The following GTF3C1 variants were observed in gnomAD, a reference collection of about 807,000 sequenced individuals.
The protein encoded by GTF3C1 is general transcription factor 3C polypeptide 1.
Under a neutral mutation model 226.7 loss-of-function variants are expected in GTF3C1, and 57 were observed. The ratio of observed to expected loss-of-function variants is 0.25; its 90% confidence interval spans 0.20 to 0.31. The LOEUF (loss-of-function observed/expected upper bound fraction) is 0.31, where lower values mean the gene tolerates loss of function less well. GTF3C1 is among the 10% of genes least tolerant of loss of function. GTF3C1 has a pLI of 1.00. For missense variants in GTF3C1, 2,217 were observed against 2,776.1 expected, an observed-to-expected ratio of 0.80 and a Z score of 4.53; for synonymous variants, 1,090 against 1,084.8, an observed-to-expected ratio of 1.00 and a Z score of -0.09.
intron 4 of GTF3C1, among the ~76,000 whole-genome samples, chr16:27,535,294 C>T (rs557634553): frequency 1.3e-5 from 2 of 152,138 alleles, no homozygotes; most frequent in East Asian, 1.9e-4. Flanking sequence ...TATGATGGGC[C>T]GGATGTGATG....
chr16:27,478,572 G>A (rs749604811), intron 27 of GTF3C1, 41 bp from the exon 28 acceptor site: 7 of 1,371,572 alleles, frequency 5.1e-6, no homozygotes, highest in Non-Finnish European at 7.3e-6. Flanking sequence ...AAACAAAACA[G>A]CTCCTCACTA....
At position 27,530,795 on chromosome 16, in the gene GTF3C1, C is replaced by T. The variant is rs2238523; in HGVS notation, c.850-2074G>A. Among the ~76,000 whole-genome samples the T allele has an allele frequency of 1.0e-2, 1,520 of 152,250 alleles. 42 individuals carry two copies. The East Asian group carries it at 0.1, about 10-fold the overall frequency. On this transcript the variant is annotated intron_variant, in intron 5 of 36. Coordinates refer to ENST00000356183, the MANE Select transcript of GTF3C1 (RefSeq NM_001520.4). ...AGGCACTGTCTTCATCGTGGGGGCC[C>T]GCAGTGAGCAAGCAGACATGATCCC...
intron 1 of GTF3C1, among the ~76,000 whole-genome samples, chr16:27,546,953 G>C (rs561847702): frequency 6.6e-6 from 1 of 151,940 alleles, no homozygotes; most frequent in Non-Finnish European, 1.5e-5. Flanking sequence ...TTTTAGTAGA[G>C]AGAGGGTTTC....
chr16:27,484,516 A>G (rs921344992), intron 24 of GTF3C1, among the ~76,000 whole-genome samples, 163 bp from the exon 25 acceptor site: 3 of 152,246 alleles, frequency 2.0e-5, no homozygotes, highest in Non-Finnish European at 4.4e-5. Flanking sequence ...ACCATGTGCC[A>G]GACACTGAGG....
intron 5 of GTF3C1, among the ~76,000 whole-genome samples, chr16:27,531,704 C>T (rs564913685): frequency 2.0e-4 from 31 of 152,232 alleles, no homozygotes; most frequent in Non-Finnish European, 2.6e-4. Context: ...ACAGGGCTGA[C>T]CTGAAACCAG....
chr16:27,471,085 A>C lies in GTF3C1; in HGVS notation c.4526+663T>G, dbSNP rs1446276882. Among the ~76,000 whole-genome samples the C allele has an allele frequency of 6.6e-6, 1 of 152,176 alleles. No homozygotes were observed. Among genetic ancestry groups the C allele is most frequent in the African/African-American group, 2.4e-5 (1 of 41,450 alleles). ...TCTGCCGTCGTGGGGAAGGGATGGG[A>C]TCAAAGAACCAAAAGAAGATTCATG... On this transcript the variant is annotated intron_variant, in intron 30 of 36. Coordinates refer to ENST00000356183, the MANE Select transcript of GTF3C1 (RefSeq NM_001520.4). The surrounding 1 kb of genome is among the most constrained non-coding windows in gnomAD (Gnocchi z 5.0).
chr16:27,506,658 G>C (rs1213314666), intron 9 of GTF3C1, among the ~76,000 whole-genome samples, 189 bp downstream of exon 9: 1 of 152,190 alleles, frequency 6.6e-6, no homozygotes, highest in African/African-American at 2.4e-5. Flanking sequence ...TGATTTGCAA[G>C]CAGCCAGGAG....
In GTF3C1 at chr16:27,487,466, A is replaced by G. The variant is rs996809102; in HGVS notation, c.3700+761T>C. On this transcript the variant is annotated intron_variant, in intron 23 of 36. Coordinates refer to ENST00000356183, the MANE Select transcript of GTF3C1 (RefSeq NM_001520.4). ...GATGAAGAACTCAAAATGGCAGTCTAAAAGGCACCGCACAAGGGGTGCATC... is the reference window on the plus strand; with the variant it reads ...GATGAAGAACTCAAAATGGCAGTCTGAAAGGCACCGCACAAGGGGTGCATC... 3.3e-5 allele frequency among the ~76,000 whole-genome samples: 5 copies of G among 152,236 alleles called. 1 individual carries two copies. Among genetic ancestry groups the G allele is most frequent in the Admixed American group, 3.3e-4 (5 of 15,284 alleles).
Position 27,461,092 on chromosome 16 carries a change from C to G in GTF3C1, c.*258G>C, listed in dbSNP as rs2087695831. ...CTGGAGACCCAGAGACAAGAAGCAC[C>G]AACTCCCAGTGTGATGAGGCCAGTT... On this transcript the variant is annotated 3_prime_UTR_variant, in exon 37 of 37. Transcript: ENST00000356183. The surrounding 1 kb of genome is among the most constrained non-coding windows in gnomAD (Gnocchi z 5.3). 2 of 419,214 alleles carry G rather than the reference C, an allele frequency of 4.8e-6. No homozygotes were observed. Among genetic ancestry groups the G allele is most frequent in the Admixed American group, 7.4e-5 (2 of 27,182 alleles). 26.0% of individuals were successfully genotyped at this position (419,214 alleles called of 1,614,324 possible). A position where few individuals can be genotyped will look rare whatever the true frequency, so the allele number is the denominator to read the frequency against.
At chr16:27,545,655 T>C in intron 1 of GTF3C1, 132 bp from the exon 2 acceptor site, 1 of 642,610 alleles carries the variant, frequency 1.6e-6, no homozygotes, top group East Asian at 2.7e-5. Context: ...GCCTTATAAA[T>C]GCAGATAATC....
chr16:27,465,486 G>A lies in GTF3C1; in HGVS notation c.5129C>T (p.Thr1710Ile). ...GTTTTCCTGGGGGTTTATCAGCTTG[G>A]TGAACGTATCAGGGAGGCAGGAGGT... is the stretch of plus-strand genomic sequence containing the variant. ...MGTSCLPDTF[T>I]KLINPQENTC... Residue 1710 changes from threonine (T) to isoleucine (I), a missense_variant, in exon 33 of 37, where the codon ACC (threonine) becomes ATC (isoleucine). Thr to Ile is a moderately conservative substitution (Grantham distance 89, BLOSUM62 -1). Around this residue, in one of 12 missense-constraint regions of GTF3C1, gnomAD observed 455 missense variants for 441.9 expected, o/e 1.03. Coordinates refer to ENST00000356183, the MANE Select transcript of GTF3C1 (RefSeq NM_001520.4). 1 of 1,606,750 alleles carries A rather than the reference G, an allele frequency of 6.2e-7. No homozygotes were observed. The highest frequency in any genetic ancestry group is 1.1e-5 in the South Asian group (1 of 91,064).
At chr16:27,536,075 T>C (rs1350548585) in intron 4 of GTF3C1, among the ~76,000 whole-genome samples, 1 of 152,234 alleles carries the variant, frequency 6.6e-6, no homozygotes, top group African/African-American at 2.4e-5. Context: ...CCATTTCAAT[T>C]TATCTTGTTA....
rs59647627 is a variant in GTF3C1 at position 27,528,198 on chromosome 16, C to T, written c.973+400G>A. ...GTTGAGGCAGGAGAATTGCTTGAACCCGAAAGGCAGAGGTTGTAGTGAGCA... is the reference window on the plus strand; with the variant it reads ...GTTGAGGCAGGAGAATTGCTTGAACTCGAAAGGCAGAGGTTGTAGTGAGCA... On this transcript the variant is annotated intron_variant, in intron 6 of 36. Coordinates refer to ENST00000356183, the MANE Select transcript of GTF3C1 (RefSeq NM_001520.4). Among the ~76,000 whole-genome samples, 381 of 152,146 alleles carry T rather than the reference C, an allele frequency of 2.5e-3. 2 individuals carry two copies. Among genetic ancestry groups the T allele is most frequent in the African/African-American group, 8.7e-3 (362 of 41,492 alleles).
intron 32 of GTF3C1, chr16:27,465,804 T>C (rs2087779468): frequency 1.4e-5 from 7 of 510,024 alleles, no homozygotes; most frequent in Non-Finnish European, 2.1e-5. Context: ...CTGCTCAAGA[T>C]GTAAAGTGAA....
At chr16:27,466,363 T>C (rs1008343999) in intron 32 of GTF3C1, 1 of 152,244 alleles carries the variant, frequency 6.6e-6, no homozygotes, top group African/African-American at 2.4e-5. Context: ...ATCTTTGCCC[T>C]TACTATTGTA....
At position 27,462,763 on chromosome 16, in the gene GTF3C1, A is replaced by G; in HGVS notation, c.5925-277T>C. ...CCACCCACATTGGCAGGAGAGGGACAAGGGTTGTGACTCCTGGACTTGCCA... is the reference window on the plus strand; with the variant it reads ...CCACCCACATTGGCAGGAGAGGGACGAGGGTTGTGACTCCTGGACTTGCCA... On this transcript the variant is annotated intron_variant, in intron 35 of 36. Coordinates refer to ENST00000356183, the MANE Select transcript of GTF3C1 (RefSeq NM_001520.4). The surrounding 1 kb of genome is among the most constrained non-coding windows in gnomAD (Gnocchi z 4.5). 2.3e-6 allele frequency: 1 copy of G among 441,500 alleles called. No homozygotes were observed. Among genetic ancestry groups the G allele is most frequent in the East Asian group, 3.6e-5 (1 of 28,130 alleles). 27.3% of individuals were successfully genotyped at this position (441,500 alleles called of 1,614,324 possible). A position where few individuals can be genotyped will look rare whatever the true frequency, so the allele number is the denominator to read the frequency against.
intron 2 of GTF3C1, among the ~76,000 whole-genome samples, chr16:27,542,523 T>G (rs1466661415): frequency 6.6e-6 from 1 of 151,134 alleles, no homozygotes; most frequent in Non-Finnish European, 1.5e-5. Flanking sequence ...ATTGCGCCAT[T>G]GGACTCCAGC....
At chr16:27,484,851 C>T (rs938633373) in intron 24 of GTF3C1, among the ~76,000 whole-genome samples, 4 of 152,234 alleles carry the variant, frequency 2.6e-5, no homozygotes, top group Non-Finnish European at 5.9e-5. Flanking sequence ...ATGAGAAAGC[C>T]GCTTGACGAG....
intron 9 of GTF3C1, 38 bp downstream of exon 9, chr16:27,506,809 A>G (rs1485829636): frequency 6.8e-7 from 1 of 1,464,628 alleles, no homozygotes; most frequent in Non-Finnish European, 9.3e-7. Flanking sequence ...CCAGCAGTGC[A>G]GTGCACGCAG....
Sources: gnomAD v4.1 joint callset for allele counts (sites outside exome capture counted in the v4.1 genomes callset) on GRCh38, gnomAD v4.1.1 for gene constraint, gnomAD v4.1.1 regional missense constraint, Gnocchi (gnomAD v3.1) non-coding constraint, MANE v1.5 for transcripts, NCBI Gene and HGNC (gene_info 2026-07-23, HGNC 2026-07-21) for gene names.